LRRC37A2: variants seen among roughly 807,000 people sequenced by gnomAD.
LRRC37A2 encodes leucine rich repeat containing 37 member A2.
LRRC37A2 carries 9 observed loss-of-function variants against 68.8 expected under a neutral mutation model. That is an observed-to-expected ratio of 0.13 (90% CI 0.08 to 0.23). LRRC37A2 has a LOEUF of 0.23. Among genes scored for constraint, LRRC37A2 ranks in the 10% least tolerant of loss-of-function variants. LRRC37A2 has a pLI of 1.00. For missense variants in LRRC37A2, 168 were observed against 950.4 expected (o/e 0.18, Z 10.82); for synonymous variants, 63 against 367.6 (o/e 0.17, Z 9.48).
At chr17:46,873,218 C>T in the LRRC37A2 span, among the ~76,000 whole-genome samples, 2 of 152,194 alleles carry the variant, frequency 1.3e-5, no homozygotes, top group South Asian at 2.1e-4. Flanking sequence ...TTTGTTCACT[C>T]CTTTATCTGT....
chr17:46,992,909 A>G, the LRRC37A2 span, among the ~76,000 whole-genome samples: 1 of 150,512 alleles, frequency 6.6e-6, no homozygotes, highest in Non-Finnish European at 1.5e-5. Flanking sequence ...GATGGCCACT[A>G]TATATTATTA....
At chr17:46,793,078 G>A in the LRRC37A2 span, among the ~76,000 whole-genome samples, 939 of 145,606 alleles carry the variant, frequency 6.4e-3, 10 homozygotes, top group African/African-American at 0.023. Flanking sequence ...TAGCCTAGCC[G>A]AGAAAGCAAG....
At chr17:46,543,613 G>C (rs2055813826) in intron 8 of LRRC37A2, among the ~76,000 whole-genome samples, 1 of 150,762 alleles carries the variant, frequency 6.6e-6, no homozygotes, top group Non-Finnish European at 1.5e-5. Flanking sequence ...CAATGGTGAA[G>C]GGTCATTATG....
the LRRC37A2 span, among the ~76,000 whole-genome samples, chr17:46,912,637 A>G: frequency 6.6e-6 from 1 of 152,150 alleles, no homozygotes; most frequent in Non-Finnish European, 1.5e-5. Context: ...GGAGGGGGCC[A>G]CAGATGCTTG....
At chr17:46,888,510 A>G in the LRRC37A2 span, among the ~76,000 whole-genome samples, 1 of 152,110 alleles carries the variant, frequency 6.6e-6, no homozygotes, top group Non-Finnish European at 1.5e-5. Context: ...GGTGACAGGA[A>G]CTCATAACAC....
the LRRC37A2 span, among the ~76,000 whole-genome samples, chr17:47,032,342 A>C: frequency 6.7e-6 from 1 of 149,438 alleles, no homozygotes; most frequent in South Asian, 2.3e-4. Flanking sequence ...CGATGCGGTT[A>C]TTATTATCAT....
the LRRC37A2 span, among the ~76,000 whole-genome samples, chr17:46,838,660 A>C: frequency 2.6e-5 from 4 of 152,136 alleles, no homozygotes; most frequent in Non-Finnish European, 5.9e-5. Flanking sequence ...AATTAAAAAT[A>C]AAATTTAAAA....
chr17:47,005,556 A>C, the LRRC37A2 span: 1 of 151,800 alleles, frequency 6.6e-6, no homozygotes, highest in African/African-American at 2.4e-5. Flanking sequence ...ATTGTTTCCC[A>C]CCCTCCACAT....
the LRRC37A2 span, among the ~76,000 whole-genome samples, chr17:46,842,855 G>T: frequency 6.6e-6 from 1 of 152,200 alleles, no homozygotes; most frequent in East Asian, 1.9e-4. Flanking sequence ...ACTGGAAGAT[G>T]TCCACATTCA....
At chr17:46,537,021 G>T (rs1598420356) in intron 6 of LRRC37A2, among the ~76,000 whole-genome samples, 1 of 50,596 alleles carries the variant, frequency 2.0e-5, no homozygotes, top group Non-Finnish European at 3.3e-5. Context: ...TGCTCCTTGG[G>T]TTGCTGCAAG....
the LRRC37A2 span, among the ~76,000 whole-genome samples, chr17:46,995,301 C>T: frequency 6.6e-6 from 1 of 152,212 alleles, no homozygotes; most frequent in South Asian, 2.1e-4. Flanking sequence ...CCCCCTGGGC[C>T]TGAACTGTGA....
the LRRC37A2 span, among the ~76,000 whole-genome samples, chr17:46,726,096 T>C: frequency 5.9e-5 from 9 of 152,364 alleles, no homozygotes; most frequent in Non-Finnish European, 7.3e-5. Flanking sequence ...TTTACCATTA[T>C]GGTCTGATTT....
At chr17:46,998,864 CCCT>C in the LRRC37A2 span, 2 of 152,182 alleles carry the variant, frequency 1.3e-5, no homozygotes, top group Non-Finnish European at 2.9e-5. Context: ...CCTCACTGGC[CCCT>C]CAATTCCTTG....
chr17:46,740,228 A>T, the LRRC37A2 span, among the ~76,000 whole-genome samples: 1 of 152,180 alleles, frequency 6.6e-6, no homozygotes, highest in Non-Finnish European at 1.5e-5. Context: ...TTATTATTGG[A>T]TATAGTAAAT....
the LRRC37A2 span, among the ~76,000 whole-genome samples, chr17:46,815,372 G>C: frequency 6.6e-6 from 1 of 152,166 alleles, no homozygotes; most frequent in African/African-American, 2.4e-5. Flanking sequence ...GTCAGGACTG[G>C]GGTCTGAGCA....
the LRRC37A2 span, among the ~76,000 whole-genome samples, chr17:46,605,473 G>GA: frequency 2.0e-5 from 3 of 149,936 alleles, no homozygotes; most frequent in Non-Finnish European, 4.5e-5. Flanking sequence ...AGCTGTCAGA[G>GA]AAAAAAGATA....
At chr17:46,902,484 G>GTGTGTGTA in the LRRC37A2 span, among the ~76,000 whole-genome samples, 2 of 151,822 alleles carry the variant, frequency 1.3e-5, no homozygotes, top group African/African-American at 4.8e-5. Context: ...GTGTGTGTGT[G>GTGTGTGTA]TGTGTAAGAT....
chr17:47,020,007 T>C, the LRRC37A2 span, among the ~76,000 whole-genome samples: 1 of 148,244 alleles, frequency 6.7e-6, no homozygotes, highest in Non-Finnish European at 1.5e-5. Context: ...CTCTGGTCTT[T>C]TACTCGTTTT....
the LRRC37A2 span, among the ~76,000 whole-genome samples, chr17:46,944,966 C>T: frequency 5.3e-5 from 8 of 152,142 alleles, no homozygotes; most frequent in African/African-American, 1.9e-4. Flanking sequence ...GTCAGTGCAT[C>T]CCAGGTGCAA....
Sources: allele counts gnomAD v4.1 joint callset (sites outside exome capture counted in the v4.1 genomes callset), GRCh38; gene constraint gnomAD v4.1.1; transcripts MANE v1.5; gene names NCBI Gene and HGNC (gene_info 2026-07-23, HGNC 2026-07-21).